Variants in CDH13 observed in about 807,000 individuals in gnomAD.
CDH13 encodes the protein cadherin-13.
In CDH13, 24 loss-of-function variants were observed where a neutral mutation model predicts 63.8. That is an observed-to-expected ratio of 0.38 (90% CI 0.27 to 0.53). The LOEUF is 0.53. Ranked by LOEUF, CDH13 falls within the 20% of genes least tolerant of loss-of-function variation. The pLI is 0.85. For synonymous variants in CDH13, 503 were observed against 355.3 expected (o/e 1.42, Z -4.67); for missense variants, 1,049 against 903.1 (o/e 1.16, Z -2.07).
chr16:83,689,907 C>T (rs766710224), intron 10 of CDH13, among the ~76,000 whole-genome samples: 125 of 152,256 alleles, frequency 8.2e-4, no homozygotes, highest in Middle Eastern at 3.4e-3. Context: ...ATCTGTTGGC[C>T]GGGAGCAGTG....
chr16:83,507,900 C>T (rs902356609), intron 7 of CDH13, among the ~76,000 whole-genome samples: 5 of 151,306 alleles, frequency 3.3e-5, no homozygotes, highest in African/African-American at 1.2e-4. Context: ...TCCGTGGTGG[C>T]GGGCGCCTGT....
At chr16:83,012,064 A>G (rs1037167725) in intron 2 of CDH13, among the ~76,000 whole-genome samples, 10 of 152,194 alleles carry the variant, frequency 6.6e-5, no homozygotes, top group African/African-American at 2.2e-4. Context: ...ACCCAGGACC[A>G]TTTGAAAGTT....
intron 2 of CDH13, among the ~76,000 whole-genome samples, chr16:82,913,272 C>T (rs931092205): frequency 6.6e-6 from 1 of 152,066 alleles, no homozygotes; most frequent in African/African-American, 2.4e-5. Context: ...GAGAGGGAAA[C>T]GTTCGATGCT....
chr16:83,378,728 G>A (rs1007133958), intron 6 of CDH13, among the ~76,000 whole-genome samples: 1 of 152,106 alleles, frequency 6.6e-6, no homozygotes. Flanking sequence ...GATGACTGTA[G>A]TTTGTTATAA....
rs558914191 is a variant in CDH13, at chr16:82,678,722, C to T, written c.45+51585C>T. ...TTGAAGAGTACACAGTTTAAGGAGA[C>T]AGTAATGGGTACAGTTATCTTCTTA... On this transcript the variant is annotated intron_variant, in intron 1 of 13. Coordinates refer to ENST00000567109, the MANE Select transcript of CDH13 (RefSeq NM_001257.5). Among the ~76,000 whole-genome samples, 5 of 152,270 alleles carry T rather than the reference C, an allele frequency of 3.3e-5. No individual in the cohort carries two copies. In the South Asian group the frequency reaches 6.2e-4, roughly 19 times the overall value.
intron 1 of CDH13, among the ~76,000 whole-genome samples, chr16:82,745,266 C>G (rs1209050839): frequency 6.6e-6 from 1 of 152,124 alleles, no homozygotes; most frequent in African/African-American, 2.4e-5. Context: ...GGAAGAAATC[C>G]AAGCTTCAGT....
chr16:83,380,406 T>A (rs986799621), intron 6 of CDH13, among the ~76,000 whole-genome samples: 18 of 152,188 alleles, frequency 1.2e-4, no homozygotes, highest in Non-Finnish European at 4.4e-5. Context: ...ATTCATTCTA[T>A]TTTTGCTCCC....
chr16:83,615,899 C>G (rs909025843), intron 8 of CDH13, among the ~76,000 whole-genome samples: 7 of 152,178 alleles, frequency 4.6e-5, no homozygotes, highest in African/African-American at 1.7e-4. Flanking sequence ...TTTATCTTCA[C>G]TTGAAAGGGG....
chr16:82,766,824 T>C (rs545517054), intron 1 of CDH13, among the ~76,000 whole-genome samples: 1 of 152,184 alleles, frequency 6.6e-6, no homozygotes, highest in Non-Finnish European at 1.5e-5. Flanking sequence ...ACATATAATA[T>C]TGACCTTATA....
In CDH13 at chr16:83,585,621, A is replaced by C. The variant is rs80013816; in HGVS notation, c.961-16833A>C. On this transcript the variant is annotated intron_variant, in intron 7 of 13. Transcript: ENST00000567109. Reference sequence around the variant, plus strand: ...TTGGTAATGGAAGCTGTCAGAGTCCACAGGGGTGGGTGGAACCAAAGCTGG... The same window carrying C: ...TTGGTAATGGAAGCTGTCAGAGTCCCCAGGGGTGGGTGGAACCAAAGCTGG... 7.1e-3 allele frequency among the ~76,000 whole-genome samples: 1,087 copies of C among 152,146 alleles called. 14 individuals are homozygous for C. Among genetic ancestry groups the C allele is most frequent in the African/African-American group, 0.025 (1,039 of 41,498 alleles).
At chr16:83,636,267 C>A (rs553725607) in intron 8 of CDH13, among the ~76,000 whole-genome samples, 9 of 152,278 alleles carry the variant, frequency 5.9e-5, no homozygotes, top group Middle Eastern at 3.4e-3. Context: ...CTGCTTTATT[C>A]TTCTTTTTCA....
At chr16:82,917,650 G>A (rs1037254170) in intron 2 of CDH13, among the ~76,000 whole-genome samples, 2 of 152,110 alleles carry the variant, frequency 1.3e-5, no homozygotes, top group African/African-American at 2.4e-5. Flanking sequence ...CATGGCTCAC[G>A]CCTGTAATCC....
chr16:83,290,250 A>G (rs957619382), intron 5 of CDH13, among the ~76,000 whole-genome samples: 1 of 152,120 alleles, frequency 6.6e-6, no homozygotes, highest in Non-Finnish European at 1.5e-5. Context: ...CCTAACTGGG[A>G]TCTCTTTTCA....
In CDH13 at chr16:83,023,964, C is replaced by T. The variant is rs192060578; in HGVS notation, c.158-8046C>T. On this transcript the variant is annotated intron_variant, in intron 2 of 13. Coordinates refer to ENST00000567109, the MANE Select transcript of CDH13 (RefSeq NM_001257.5). ...CCTTTAGATATTGCCAAAGCTATGG[C>T]AACAGGAGCAATTTAGATTTTGCCC... Among the ~76,000 whole-genome samples the T allele has an allele frequency of 1.8e-4, 27 of 152,288 alleles. No homozygotes were observed. In the East Asian group the frequency reaches 4.4e-3, roughly 25 times the overall value.
In CDH13 at chr16:83,780,264, A is replaced by C. The variant is rs1042525926; in HGVS notation, c.1915+63A>C. 6 of 1,133,138 alleles carry C rather than the reference A, an allele frequency of 5.3e-6. No individual in the cohort carries two copies. The East Asian group carries it at 1.5e-4, about 29-fold the overall frequency. 70.2% of individuals were successfully genotyped at this position (1,133,138 alleles called of 1,614,324 possible). ...CTTTCAGTTTATTTTCTCTTTCCCA[A>C]AATGCTGTTTCTCTACTGTTCTCTC... On this transcript the variant is annotated intron_variant, in intron 12 of 13. Coordinates refer to ENST00000567109, the MANE Select transcript of CDH13 (RefSeq NM_001257.5).
intron 6 of CDH13, among the ~76,000 whole-genome samples, chr16:83,476,944 A>T (rs1185627594): frequency 6.6e-6 from 1 of 152,132 alleles, no homozygotes; most frequent in Non-Finnish European, 1.5e-5. Flanking sequence ...AGATAAAAAG[A>T]TTAAGTGGAA....
intron 8 of CDH13, among the ~76,000 whole-genome samples, chr16:83,645,161 G>A (rs547449652): frequency 4.3e-4 from 66 of 152,260 alleles, no homozygotes; most frequent in African/African-American, 1.4e-3. Flanking sequence ...GTACATCAAC[G>A]ATTGACTGGT....
At chr16:83,512,884 G>A (rs2074606289) in intron 7 of CDH13, among the ~76,000 whole-genome samples, 3 of 151,976 alleles carry the variant, frequency 2.0e-5, no homozygotes. Flanking sequence ...AATAACCTGT[G>A]TTTTCAACAA....
intron 6 of CDH13, among the ~76,000 whole-genome samples, chr16:83,410,003 A>G (rs1043943069): frequency 1.3e-5 from 2 of 152,260 alleles, no homozygotes; most frequent in Non-Finnish European, 2.9e-5. Context: ...CCTGTGTGAA[A>G]CAACTTTTAT....
Sources: allele counts gnomAD v4.1 joint callset (sites outside exome capture counted in the v4.1 genomes callset), GRCh38; gene constraint gnomAD v4.1.1; transcripts MANE v1.5; gene names NCBI Gene and HGNC (gene_info 2026-07-23, HGNC 2026-07-21).